Variants in IL1RAPL2 observed in about 807,000 individuals in gnomAD.
IL1RAPL2 encodes X-linked interleukin-1 receptor accessory protein-like 2.
Under a neutral mutation model 44.1 loss-of-function variants are expected in IL1RAPL2, and 3 were observed. That is an observed-to-expected ratio of 0.07 (90% CI 0.03 to 0.18). The LOEUF (loss-of-function observed/expected upper bound fraction) is 0.18, where lower values mean the gene tolerates loss of function less well. Ranked by LOEUF, IL1RAPL2 falls within the 10% of genes least tolerant of loss-of-function variation. IL1RAPL2 has a pLI of 1.00. For missense variants in IL1RAPL2, 391 were observed against 496.4 expected (o/e 0.79, Z 2.02); for synonymous variants, 181 against 178.8 (o/e 1.01, Z -0.10).
intron 6 of IL1RAPL2, among the ~76,000 whole-genome samples, chrX:105,651,329 G>A (rs1419393038): frequency 8.9e-6 from 1 of 111,753 alleles, no homozygotes; most frequent in East Asian, 2.8e-4. Flanking sequence ...TATAGCAGGA[G>A]AAAGCTTAAG....
intron 6 of IL1RAPL2, among the ~76,000 whole-genome samples, chrX:105,533,421 T>C (rs1408709644): frequency 8.9e-6 from 1 of 111,752 alleles, no homozygotes; most frequent in African/African-American, 3.3e-5. Flanking sequence ...AAATTTGACA[T>C]TGGAACAATC....
At chrX:105,573,555 G>A (rs1443468694) in intron 6 of IL1RAPL2, among the ~76,000 whole-genome samples, 1 of 111,471 alleles carries the variant, frequency 9.0e-6, no homozygotes, top group Non-Finnish European at 1.9e-5. Context: ...AAGAAGCAAT[G>A]TGATTTTGTG....
chrX:104,741,931 A>T (rs1051672335), intron 2 of IL1RAPL2, among the ~76,000 whole-genome samples: 1 of 111,611 alleles, frequency 9.0e-6, no homozygotes, highest in East Asian at 2.8e-4. Context: ...ATCTTGATCT[A>T]CTGAGTGAAT....
At chrX:105,058,517 T>G (rs1378763618) in intron 2 of IL1RAPL2, among the ~76,000 whole-genome samples, 1 of 112,396 alleles carries the variant, frequency 8.9e-6, no homozygotes, top group Non-Finnish European at 1.9e-5. Context: ...ATGTGGAAAC[T>G]TAACCTCTTC....
At chrX:104,671,123 TA>T (rs1196738596) in intron 2 of IL1RAPL2, among the ~76,000 whole-genome samples, 2 of 110,992 alleles carry the variant, frequency 1.8e-5, no homozygotes, top group African/African-American at 6.6e-5. Context: ...TATATAAATA[TA>T]AAAACACGTG....
At chrX:105,631,686 C>T (rs188364870) in intron 6 of IL1RAPL2, among the ~76,000 whole-genome samples, 170 of 112,061 alleles carry the variant, frequency 1.5e-3, no homozygotes, top group Non-Finnish European at 2.7e-3. Context: ...AGGTAAGATC[C>T]GGTCTCAGTG....
chrX:104,774,672 C>T (rs896890322), intron 2 of IL1RAPL2, among the ~76,000 whole-genome samples: 1 of 111,836 alleles, frequency 8.9e-6, no homozygotes, highest in Admixed American at 9.5e-5. Context: ...ATCTGAAATG[C>T]GCCACTTTGA....
chrX:104,702,011 T>C (rs184323227), intron 2 of IL1RAPL2, among the ~76,000 whole-genome samples: 2 of 111,552 alleles, frequency 1.8e-5, no homozygotes, highest in East Asian at 5.7e-4. Context: ...CTTATCCCTA[T>C]TTACTCTCAT....
At chrX:105,098,087 A>C (rs2032627949) in intron 2 of IL1RAPL2, among the ~76,000 whole-genome samples, 1 of 111,863 alleles carries the variant, frequency 8.9e-6, no homozygotes, top group Non-Finnish European at 1.9e-5. Context: ...TGTGTGAAAA[A>C]CACTTCTGAG....
In IL1RAPL2 at chrX:105,447,104, TATAA is replaced by T. The variant is rs1303914042; in HGVS notation, c.698-37207_698-37204del. On this transcript the variant is annotated intron_variant, in intron 5 of 10. Coordinates refer to ENST00000372582, the MANE Select transcript of IL1RAPL2 (RefSeq NM_017416.2). ...ATATATATATATATATATATATATATATAAAAATATATATAAATATAAATATATA... is the reference window on the plus strand; with the variant it reads ...ATATATATATATATATATATATATATAAATATATATAAATATAAATATATA... Among the ~76,000 whole-genome samples the T allele has an allele frequency of 9.9e-3, 477 of 48,332 alleles. 67 individuals carry two copies. Among genetic ancestry groups the T allele is most frequent in the African/African-American group, 0.061 (455 of 7,462 alleles). The allele number at this position is 48,332 out of a possible 115,157, so 42.0% of individuals were successfully genotyped here. A position where few individuals can be genotyped will look rare whatever the true frequency, so the allele number is the denominator to read the frequency against.
chrX:104,984,452 A>G (rs1169653968), intron 2 of IL1RAPL2, among the ~76,000 whole-genome samples: 3 of 111,617 alleles, frequency 2.7e-5, no homozygotes, highest in Non-Finnish European at 5.6e-5. Flanking sequence ...CTTTGCCTTC[A>G]AGGTAGCTCT....
intron 6 of IL1RAPL2, among the ~76,000 whole-genome samples, chrX:105,641,583 G>A (rs995344731): frequency 9.0e-6 from 1 of 111,507 alleles, no homozygotes; most frequent in Non-Finnish European, 1.9e-5. Context: ...GGAGAGAGGA[G>A]TAACAAATAT....
rs750358923 is a variant in IL1RAPL2 at position 105,648,933 on chromosome X, A to G, written c.773-68434A>G. 8.1e-5 allele frequency among the ~76,000 whole-genome samples: 9 copies of G among 111,431 alleles called. No homozygotes were observed. In the South Asian group the frequency reaches 1.6e-3, roughly 19 times the overall value. On this transcript the variant is annotated intron_variant, in intron 6 of 10. Coordinates refer to ENST00000372582, the MANE Select transcript of IL1RAPL2 (RefSeq NM_017416.2). The stretch of plus-strand genomic sequence containing the variant: ...CTAGGCTGAAGGCAAAGAAGAATAC[A>G]GTACACCTAGTGGTCCCTGAGGGTA...
intron 2 of IL1RAPL2, among the ~76,000 whole-genome samples, chrX:104,903,206 C>G (rs756861016): frequency 4.5e-5 from 5 of 111,689 alleles, no homozygotes; most frequent in Non-Finnish European, 9.4e-5. Context: ...CTAATTTAGA[C>G]AAGGCTAATG....
At chrX:104,957,454 G>A (rs770487635) in intron 2 of IL1RAPL2, among the ~76,000 whole-genome samples, 96 of 111,656 alleles carry the variant, frequency 8.6e-4, no homozygotes, top group South Asian at 5.7e-3. Flanking sequence ...TAAGAGGCCA[G>A]CTGGGGGTTC....
intron 2 of IL1RAPL2, among the ~76,000 whole-genome samples, chrX:104,821,240 GT>G (rs1435985541): frequency 1.9e-3 from 208 of 107,227 alleles, no homozygotes; most frequent in African/African-American, 4.3e-3. Flanking sequence ...TTGTAAATCT[GT>G]TTTTTTTTTA....
chrX:105,035,191 C>T (rs1375780060), intron 2 of IL1RAPL2, among the ~76,000 whole-genome samples: 7 of 111,781 alleles, frequency 6.3e-5, no homozygotes, highest in Non-Finnish European at 1.3e-4. Flanking sequence ...TTGCACTTCC[C>T]GAGTGAGGCA....
intron 6 of IL1RAPL2, among the ~76,000 whole-genome samples, chrX:105,659,858 C>T (rs2037707298): frequency 1.8e-5 from 2 of 109,259 alleles, no homozygotes; most frequent in African/African-American, 3.3e-5. Context: ...GAATAAAAAA[C>T]AATGAAGCAT....
At chrX:105,183,885 C>G (rs1228765117) in intron 2 of IL1RAPL2, among the ~76,000 whole-genome samples, 12 of 111,445 alleles carry the variant, frequency 1.1e-4, no homozygotes, top group African/African-American at 3.9e-4. Flanking sequence ...AGGGCTGGCT[C>G]TCAACATGGC....
Sources: allele counts gnomAD v4.1 joint callset (sites outside exome capture counted in the v4.1 genomes callset), GRCh38; gene constraint gnomAD v4.1.1; transcripts MANE v1.5; gene names NCBI Gene and HGNC (gene_info 2026-07-23, HGNC 2026-07-21).